Variants in KNSTRN observed in about 807,000 individuals in gnomAD.
The protein encoded by KNSTRN is kinetochore localized astrin (SPAG5) binding protein.
KNSTRN carries 38 observed loss-of-function variants against 44.7 expected under a neutral mutation model. That is an observed-to-expected ratio of 0.85 (90% CI 0.66 to 1.11). The LOEUF is 1.11. KNSTRN is among the 50% of genes most tolerant of loss of function. The pLI is 0.00. For missense variants in KNSTRN, 406 were observed against 375.8 expected (o/e 1.08, Z -0.66); for synonymous variants, 158 against 148.1 (o/e 1.07, Z -0.48).
chr15:40,386,217 ACT>A (rs2141273035), intron 2 of KNSTRN, 143 bp from the exon 3 acceptor site: 2 of 841,112 alleles, frequency 2.4e-6, no homozygotes, highest in East Asian at 3.3e-5. Context: ...ACAGAGCAAG[ACT>A]CTGTCTCAAA....
chr15:40,384,422 C>T (rs1331700027), intron 2 of KNSTRN: 6 of 455,174 alleles, frequency 1.3e-5, no homozygotes, highest in Non-Finnish European at 2.6e-5. Flanking sequence ...TCTCCAAAGG[C>T]TTAATGGGTT....
chr15:40,394,276 GC>G lies in KNSTRN; in HGVS notation c.*681del, dbSNP rs1890052319. The G allele has an allele frequency of 6.6e-6, 1 of 152,212 alleles. No homozygotes were observed. The highest frequency in any genetic ancestry group is 2.4e-5 in the African/African-American group (1 of 41,530). 9.4% of individuals were successfully genotyped at this position (152,212 alleles called of 1,614,324 possible). On this transcript the variant is annotated 3_prime_UTR_variant, in exon 9 of 9. Coordinates refer to ENST00000249776, the MANE Select transcript of KNSTRN (RefSeq NM_033286.4). ...ACTGTAACATTGAGGAATGAAAATA[GC>G]CTTTTAACCTAGATATGTCAGTTGA...
intron 6 of KNSTRN, among the ~76,000 whole-genome samples, chr15:40,390,190 G>T (rs1320244302): frequency 6.6e-6 from 1 of 152,214 alleles, no homozygotes; most frequent in Non-Finnish European, 1.5e-5. Flanking sequence ...GTGCCAACAG[G>T]TATGACCTTG....
chr15:40,392,186 G>GTTTT (rs10681422), intron 8 of KNSTRN, among the ~76,000 whole-genome samples, 163 bp downstream of exon 8: 25 of 148,976 alleles, frequency 1.7e-4, no homozygotes, highest in Non-Finnish European at 2.8e-4. Context: ...ATAGTAACGT[G>GTTTT]TTTTTTTTTT....
intron 7 of KNSTRN, 106 bp downstream of exon 7, chr15:40,391,660 T>G (rs1890000079): frequency 1.1e-6 from 1 of 894,180 alleles, no homozygotes; most frequent in Admixed American, 2.3e-5. Flanking sequence ...AAACAGCCTT[T>G]GATTATCTGT....
chr15:40,389,544 T>A lies in KNSTRN; in HGVS notation c.524T>A (p.Leu175His). The A allele has an allele frequency of 1.9e-6, 3 of 1,613,974 alleles. No homozygotes were observed. Among genetic ancestry groups the A allele is most frequent in the Non-Finnish European group, 2.5e-6 (3 of 1,179,962 alleles). ...AGTAAGCAAAAATCAGAGGAAGAGC[T>A]CAAGGACAAGAACCAGCTGTTAGAA... is the stretch of plus-strand genomic sequence containing the variant. ...PLSKQKSEEELKDKNQLLEAV... is the reference protein window; with the variant it reads ...PLSKQKSEEEHKDKNQLLEAV... The change falls in exon 5 of 9, where the codon CTC becomes CAC. Residue 175 changes from leucine (L) to histidine (H), a missense_variant. Transcript: ENST00000249776.
At position 40,383,324 on chromosome 15, in the gene KNSTRN, T is replaced by A; in HGVS notation, c.304+2T>A. On this transcript the variant is annotated splice_donor_variant, in intron 2 of 8. Coordinates refer to ENST00000249776, the MANE Select transcript of KNSTRN (RefSeq NM_033286.4). LOFTEE classifies it high-confidence loss of function. ...CGCTGAGCGGCGGCCAGCCGGCAGG[T>A]GAGGGTCCAAGCCACGCCCGGGGCA... 6.2e-7 allele frequency: 1 copy of A among 1,608,972 alleles called. No individual in the cohort carries two copies. Among genetic ancestry groups the A allele is most frequent in the Non-Finnish European group, 8.5e-7 (1 of 1,176,636 alleles).
Position 40,389,583 on chromosome 15 carries a change from A to T in KNSTRN, c.563A>T (p.Gln188Leu), listed in dbSNP as rs771815381. 10 of 1,613,968 alleles carry T rather than the reference A, an allele frequency of 6.2e-6. No individual in the cohort carries two copies. The highest frequency in any genetic ancestry group is 8.5e-6 in the Non-Finnish European group (10 of 1,179,806). Residue 188 changes from glutamine (Q) to leucine (L), a missense_variant, in exon 5 of 9, where the codon CAG becomes CTG. Transcript: ENST00000249776. Reference protein sequence around the residue: ...KNQLLEAVNKQLHQKLTETQG... With the variant: ...KNQLLEAVNKLLHQKLTETQG... Reference sequence around the variant, plus strand: ...CAGCTGTTAGAAGCCGTCAACAAGCAGTTGCACCAGAAGTTGACTGAAACT... The same window carrying T: ...CAGCTGTTAGAAGCCGTCAACAAGCTGTTGCACCAGAAGTTGACTGAAACT...
intron 1 of KNSTRN, 25 bp from the exon 2 acceptor site, chr15:40,383,203 G>C: frequency 6.2e-7 from 1 of 1,610,070 alleles, no homozygotes; most frequent in Non-Finnish European, 8.5e-7. Flanking sequence ...CCAGCGCTGG[G>C]TAACATTCAT....
In KNSTRN at chr15:40,382,759, T is replaced by G; in HGVS notation, c.-77T>G. The G allele has an allele frequency of 7.6e-7, 1 of 1,316,270 alleles. No homozygotes were observed. The highest frequency in any genetic ancestry group is 1.1e-6 in the Non-Finnish European group (1 of 947,838). The allele number at this position is 1,316,270 out of a possible 1,614,324, so 81.5% of individuals were successfully genotyped here. On this transcript the variant is annotated 5_prime_UTR_variant, in exon 1 of 9. Coordinates refer to ENST00000249776, the MANE Select transcript of KNSTRN (RefSeq NM_033286.4). ...AAGCCTACAAATTGCATCACCCTCC[T>G]CCTCTGCCCAGACCTGGGGGCTCCA...
At chr15:40,390,276 T>C (rs1889976543) in intron 6 of KNSTRN, among the ~76,000 whole-genome samples, 1 of 152,256 alleles carries the variant, frequency 6.6e-6, no homozygotes, top group African/African-American at 2.4e-5. Context: ...AAGTTACTAG[T>C]GTGCTTGAAA....
Position 40,383,021 on chromosome 15 carries a change from C to T in KNSTRN, c.186C>T (p.Cys62=), listed in dbSNP as rs779696089. 2.4e-5 allele frequency: 38 copies of T among 1,611,082 alleles called. No homozygotes were observed. The Admixed American group carries it at 5.3e-4, about 23-fold the overall frequency. The change falls in exon 1 of 9, where the codon TGC becomes TGT. Residue 62 remains cysteine, a synonymous_variant. Transcript: ENST00000249776. ...GNLLNESEKD[C]GQDRRAPGVQ... ...TTTTAAACGAGAGCGAGAAGGACTG[C>T]GGGCAGGACCGGCGGGCTCCTGGGT... is the stretch of plus-strand genomic sequence containing the variant.
intron 2 of KNSTRN, among the ~76,000 whole-genome samples, chr15:40,385,917 C>G (rs1264261168): frequency 1.3e-5 from 2 of 152,132 alleles, no homozygotes; most frequent in East Asian, 3.9e-4. Context: ...AAGTTTTATT[C>G]TTTTGAATTA....
In KNSTRN at chr15:40,382,878, A is replaced by G. The variant is rs118114746; in HGVS notation, c.43A>G (p.Thr15Ala). The G allele has an allele frequency of 3.0e-4, 487 of 1,612,226 alleles. 6 individuals carry two copies. In the South Asian group the frequency reaches 4.8e-3, roughly 16 times the overall value. The change falls in exon 1 of 9, where the codon ACA (threonine) becomes GCA (alanine). Residue 15 changes from threonine to alanine, a missense_variant. Thr to Ala is a moderately conservative substitution (Grantham distance 58). Transcript: ENST00000249776. ...CCCGCCCCTGGACAGAGTTTTCCGTACAACATGGCTGTCTACAGAGTGCGA... is the reference window on the plus strand; with the variant it reads ...CCCGCCCCTGGACAGAGTTTTCCGTGCAACATGGCTGTCTACAGAGTGCGA... ...EAPPLDRVFRTTWLSTECDSH... is the reference protein window; with the variant it reads ...EAPPLDRVFRATWLSTECDSH...
At chr15:40,383,141 G>A (rs1180351399) in intron 1 of KNSTRN, 87 bp from the exon 2 acceptor site, 2 of 1,583,998 alleles carry the variant, frequency 1.3e-6, no homozygotes, top group Non-Finnish European at 1.7e-6. Flanking sequence ...CCGAGCCGGG[G>A]CCTGTCGGGT....
chr15:40,391,944 C>T lies in KNSTRN; in HGVS notation c.748-5C>T. The T allele has an allele frequency of 6.2e-7, 1 of 1,603,364 alleles. No individual in the cohort carries two copies. Among genetic ancestry groups the T allele is most frequent in the East Asian group, 2.2e-5 (1 of 44,626 alleles). On this transcript the variant is annotated splice_polypyrimidine_tract_variant and splice_region_variant and intron_variant, in intron 7 of 8. Transcript: ENST00000249776. ...TTTGTTTACTACATTGTGCTTTCCT[C>T]TTAGTTGCTGTTAGAAACTTTGCAA...
chr15:40,393,555 A>C lies in KNSTRN; in HGVS notation c.909A>C (p.Leu303Phe). 1 of 1,614,146 alleles carries C rather than the reference A, an allele frequency of 6.2e-7. No individual in the cohort carries two copies. Among genetic ancestry groups the C allele is most frequent in the South Asian group, 1.1e-5 (1 of 91,082 alleles). Residue 303 changes from leucine (L) to phenylalanine (F), a missense_variant, in exon 9 of 9, where the codon TTA (leucine) becomes TTC (phenylalanine). Leu to Phe is a conservative substitution (Grantham distance 22, BLOSUM62 0). Transcript: ENST00000249776. ...QTLCNNQVNDLTTALKEMEQL... is the reference protein window; with the variant it reads ...QTLCNNQVNDFTTALKEMEQL... Reference sequence around the variant, plus strand: ...TATGTAACAATCAAGTAAATGATTTAACAACAGCCCTTAAGGAAATGGAGC... The same window carrying C: ...TATGTAACAATCAAGTAAATGATTTCACAACAGCCCTTAAGGAAATGGAGC...
intron 4 of KNSTRN, chr15:40,389,124 G>A (rs1366519743): frequency 2.0e-5 from 9 of 453,428 alleles, no homozygotes; most frequent in Admixed American, 1.4e-4. Context: ...GGACGTGTTT[G>A]TGTAACTCTG....
intron 4 of KNSTRN, among the ~76,000 whole-genome samples, chr15:40,388,587 C>G (rs536497840): frequency 1.7e-3 from 255 of 151,668 alleles, no homozygotes; most frequent in African/African-American, 5.8e-3. Context: ...CCCAGCTACT[C>G]GGGAGGCTGG....
Sources: gnomAD v4.1 joint callset for allele counts (sites outside exome capture counted in the v4.1 genomes callset) on GRCh38, gnomAD v4.1.1 for gene constraint, MANE v1.5 for transcripts, NCBI Gene and HGNC (gene_info 2026-07-23, HGNC 2026-07-21) for gene names.